Variants in PTPRD observed in about 807,000 individuals in gnomAD.
PTPRD encodes the protein protein tyrosine phosphatase receptor type D.
A neutral mutation model predicts 214.5 loss-of-function variants in PTPRD; 34 were observed. That is an observed-to-expected ratio of 0.16 (90% CI 0.12 to 0.21). The LOEUF is 0.21. PTPRD is among the 10% of genes least tolerant of loss of function. The pLI is 1.00. For synonymous variants in PTPRD, 1,128 were observed against 845.7 expected, an observed-to-expected ratio of 1.33 and a Z score of -5.79; for missense variants, 2,545 against 2,398.7, an observed-to-expected ratio of 1.06 and a Z score of -1.27.
At chr9:9,609,316 A>C (rs1177137998) in intron 7 of PTPRD, among the ~76,000 whole-genome samples, 1 of 152,186 alleles carries the variant, frequency 6.6e-6, no homozygotes, top group African/African-American at 2.4e-5. Flanking sequence ...GTTTCTATAT[A>C]CATACCTAGA....
At chr9:9,675,890 C>G (rs1336811393) in intron 7 of PTPRD, among the ~76,000 whole-genome samples, 2 of 152,058 alleles carry the variant, frequency 1.3e-5, no homozygotes, top group African/African-American at 4.8e-5. Context: ...TACCCAATCT[C>G]TGTCAGCATC....
At chr9:10,421,736 G>A (rs764480675) in intron 2 of PTPRD, among the ~76,000 whole-genome samples, 1 of 151,738 alleles carries the variant, frequency 6.6e-6, no homozygotes, top group South Asian at 2.1e-4. Flanking sequence ...ATAGAAACTT[G>A]CTTGTTATTT....
chr9:9,720,606 A>G (rs2097918441), intron 7 of PTPRD, among the ~76,000 whole-genome samples: 1 of 152,208 alleles, frequency 6.6e-6, no homozygotes. Context: ...AATCCCATGC[A>G]GGTGACTACT....
At chr9:10,262,567 G>T (rs998283350) in intron 3 of PTPRD, among the ~76,000 whole-genome samples, 2 of 152,302 alleles carry the variant, frequency 1.3e-5, no homozygotes, top group Middle Eastern at 3.4e-3. Flanking sequence ...CTGATGATAA[G>T]CTCAAGTGTA....
intron 39 of PTPRD, among the ~76,000 whole-genome samples, chr9:8,346,215 G>A (rs117996938): frequency 9.2e-5 from 14 of 151,970 alleles, no homozygotes; most frequent in South Asian, 2.1e-4. Context: ...CAAACTCCAC[G>A]ATTATCTTCA....
At chr9:9,202,052 A>G (rs77485877) in intron 9 of PTPRD, among the ~76,000 whole-genome samples, 122 of 152,342 alleles carry the variant, frequency 8.0e-4, no homozygotes, top group Non-Finnish European at 1.6e-3. Context: ...CAACCGGAAG[A>G]TAAGAAAAGC....
chr9:9,450,981 A>ACT (rs1323368958), intron 8 of PTPRD, among the ~76,000 whole-genome samples: 1 of 151,502 alleles, frequency 6.6e-6, no homozygotes. Flanking sequence ...ACACACACAC[A>ACT]CACACAGACA....
intron 3 of PTPRD, among the ~76,000 whole-genome samples, chr9:10,319,775 G>A (rs1053427996): frequency 6.6e-6 from 1 of 151,944 alleles, no homozygotes; most frequent in Non-Finnish European, 1.5e-5. Context: ...TACTTAAAGA[G>A]AGATCACGAG....
chr9:8,728,162 A>G (rs1212863078), intron 12 of PTPRD, among the ~76,000 whole-genome samples: 1 of 152,192 alleles, frequency 6.6e-6, no homozygotes, highest in East Asian at 1.9e-4. Context: ...ACGCAGGAGA[A>G]TCGCTTGAAC....
chr9:10,503,859 G>A lies in PTPRD; in HGVS notation c.-600+108539C>T, dbSNP rs550578827. On this transcript the variant is annotated intron_variant, in intron 2 of 45. Transcript: ENST00000381196. ...AGGCTGGGCGCGGGGGCTCACACCT[G>A]TAATCCCAGCACTTTGGGAGGCCGA... 1.9e-4 allele frequency among the ~76,000 whole-genome samples: 29 copies of A among 152,008 alleles called. No individual in the cohort carries two copies. The South Asian group carries it at 3.1e-3, about 16-fold the overall frequency.
intron 11 of PTPRD, among the ~76,000 whole-genome samples, chr9:8,837,284 G>A (rs1311527594): frequency 6.8e-6 from 1 of 148,030 alleles, no homozygotes; most frequent in Non-Finnish European, 1.5e-5. Context: ...CGAAGTGCTG[G>A]GATTACAGGC....
intron 3 of PTPRD, among the ~76,000 whole-genome samples, chr9:10,050,139 T>C (rs1379583472): frequency 6.6e-6 from 1 of 152,106 alleles, no homozygotes; most frequent in African/African-American, 2.4e-5. Flanking sequence ...GATTGTGGCA[T>C]GGGGCCTGAG....
chr9:8,808,649 A>T (rs529806276), intron 11 of PTPRD, among the ~76,000 whole-genome samples: 40 of 152,120 alleles, frequency 2.6e-4, no homozygotes, highest in Non-Finnish European at 5.4e-4. Flanking sequence ...ACAAAATAAC[A>T]ATCAAAATAA....
At chr9:8,661,381 G>A (rs984797825) in intron 12 of PTPRD, among the ~76,000 whole-genome samples, 1 of 151,696 alleles carries the variant, frequency 6.6e-6, no homozygotes, top group Non-Finnish European at 1.5e-5. Flanking sequence ...GCAGAAGGTT[G>A]TATTTATAGT....
chr9:9,210,788 A>C (rs1211700090), intron 9 of PTPRD, among the ~76,000 whole-genome samples: 1 of 151,936 alleles, frequency 6.6e-6, no homozygotes, highest in African/African-American at 2.4e-5. Context: ...TTTTGTTGTG[A>C]ACTTACTAAT....
rs892612376 is a variant in PTPRD at position 9,277,598 on chromosome 9, A to T, written c.-202-94235T>A. Among the ~76,000 whole-genome samples the T allele has an allele frequency of 5.9e-5, 9 of 151,356 alleles. No homozygotes were observed. The Admixed American group carries it at 5.9e-4, about 10-fold the overall frequency. On this transcript the variant is annotated intron_variant, in intron 9 of 45. Coordinates refer to ENST00000381196, the MANE Select transcript of PTPRD (RefSeq NM_002839.4). The stretch of plus-strand genomic sequence containing the variant: ...GTTGCTTTATTTATTATACACATCT[A>T]TCTGTGACCCTCTCAAAATAAAACT...
intron 6 of PTPRD, among the ~76,000 whole-genome samples, chr9:9,735,126 G>A (rs906508359): frequency 6.6e-6 from 1 of 151,948 alleles, no homozygotes; most frequent in African/African-American, 2.4e-5. Flanking sequence ...ATTTTTTAAA[G>A]GTGTTTGAAG....
intron 32 of PTPRD, among the ~76,000 whole-genome samples, chr9:8,464,708 C>T (rs1273268312): frequency 2.6e-5 from 2 of 76,096 alleles, no homozygotes; most frequent in Non-Finnish European, 2.4e-5. Flanking sequence ...TCTACAATAT[C>T]TCTCCCCTTT....
intron 7 of PTPRD, among the ~76,000 whole-genome samples, chr9:9,594,160 G>T (rs993449292): frequency 6.6e-6 from 1 of 152,010 alleles, no homozygotes; most frequent in African/African-American, 2.4e-5. Flanking sequence ...TAAAAAATAA[G>T]CATTATAAGA....
Sources: allele counts gnomAD v4.1 joint callset (sites outside exome capture counted in the v4.1 genomes callset), GRCh38; gene constraint gnomAD v4.1.1; transcripts MANE v1.5; gene names NCBI Gene and HGNC (gene_info 2026-07-23, HGNC 2026-07-21).